The following MSANTD3 variants were observed in gnomAD, a reference collection of about 807,000 sequenced individuals.
MSANTD3 encodes myb/SANT-like DNA-binding domain-containing protein 3.
In MSANTD3, 11 loss-of-function variants were observed where a neutral mutation model predicts 27.7. That is an observed-to-expected ratio of 0.40 (90% CI 0.25 to 0.66). The LOEUF is 0.66. Among genes scored for constraint, MSANTD3 ranks in the 30% least tolerant of loss-of-function variants. The probability of loss-of-function intolerance (pLI) is 0.41; values close to 1 mark genes in which losing one functional copy is unlikely to be tolerated. For synonymous variants in MSANTD3, 131 were observed against 127.2 expected (o/e 1.03, Z -0.20); for missense variants, 250 against 336.5 (o/e 0.74, Z 2.01).
intron 2 of MSANTD3, chr9:100,444,073 T>G (rs1300195291): frequency 6.6e-6 from 1 of 152,154 alleles, no homozygotes; most frequent in African/African-American, 2.4e-5. Flanking sequence ...AAAAGATAAT[T>G]GCCAAGTGAA....
chr9:100,451,205 GTC>G lies in MSANTD3; in HGVS notation c.*243_*244del. On this transcript the variant is annotated 3_prime_UTR_variant, in exon 3 of 3. Coordinates refer to ENST00000395067, the MANE Select transcript of MSANTD3 (RefSeq NM_080655.3). ...TGAGTGCTATAATTCTGAATATAAT[GTC>G]TCTTAATTAGAATTCATACAAGAAC... 2.4e-6 allele frequency: 1 copy of G among 410,138 alleles called. No homozygotes were observed. The highest frequency in any genetic ancestry group is 4.3e-6 in the Non-Finnish European group (1 of 232,848). The allele number at this position is 410,138 out of a possible 1,614,324, so 25.4% of individuals were successfully genotyped here. A position where few individuals can be genotyped will look rare whatever the true frequency, so the allele number is the denominator to read the frequency against.
intron 1 of MSANTD3, among the ~76,000 whole-genome samples, chr9:100,440,664 C>T (rs1164941696): frequency 6.7e-6 from 1 of 149,452 alleles, no homozygotes; most frequent in African/African-American, 2.5e-5. Context: ...AAACATGGCT[C>T]ACTGTAGCCT....
At chr9:100,442,723 A>C (rs1428965324) in intron 2 of MSANTD3, among the ~76,000 whole-genome samples, 3 of 150,732 alleles carry the variant, frequency 2.0e-5, no homozygotes, top group African/African-American at 7.3e-5. Flanking sequence ...GCTGGAGGAT[A>C]ACTTGAGCCC....
At chr9:100,432,014 C>A (rs894010979) in intron 1 of MSANTD3, among the ~76,000 whole-genome samples, 2 of 151,774 alleles carry the variant, frequency 1.3e-5, no homozygotes, top group East Asian at 3.9e-4. Context: ...AGGGGAAGGA[C>A]GGGGTTAGGA....
chr9:100,448,422 T>C (rs1309360178), intron 2 of MSANTD3: 5 of 985,298 alleles, frequency 5.1e-6, no homozygotes, highest in Non-Finnish European at 6.0e-6. Context: ...GAGGTAATGC[T>C]CTTTGCAGTT....
intron 2 of MSANTD3, chr9:100,444,312 A>G (rs1836701139): frequency 2.0e-5 from 3 of 152,134 alleles, no homozygotes; most frequent in South Asian, 2.1e-4. Context: ...CTGAGTTTTG[A>G]TCCCTGAGTT....
intron 2 of MSANTD3, chr9:100,444,413 G>A (rs1354128413): frequency 6.6e-6 from 1 of 152,238 alleles, no homozygotes; most frequent in Non-Finnish European, 1.5e-5. Flanking sequence ...TGTAGTGCAT[G>A]GGCCCCCACA....
intron 2 of MSANTD3, chr9:100,449,224 A>G (rs1233044365): frequency 2.0e-6 from 2 of 985,292 alleles, no homozygotes; most frequent in Non-Finnish European, 2.4e-6. Context: ...ATTGACACTG[A>G]TGTTACTGCT....
chr9:100,448,959 A>G, intron 2 of MSANTD3: 1 of 985,218 alleles, frequency 1.0e-6, no homozygotes, highest in Non-Finnish European at 1.2e-6. Flanking sequence ...AACAGTAGCC[A>G]TTTTCCTTTT....
chr9:100,448,446 G>A (rs887739074), intron 2 of MSANTD3: 1 of 985,372 alleles, frequency 1.0e-6, no homozygotes, highest in South Asian at 4.7e-5. Context: ...ACTCACACCT[G>A]AGGGCCCTGT....
intron 1 of MSANTD3, chr9:100,429,717 T>TTG: frequency 2.1e-5 from 3 of 144,522 alleles, no homozygotes; most frequent in East Asian, 1.9e-4. Flanking sequence ...GTTTTTTTTT[T>TTG]GGGGGGGGAC....
chr9:100,450,095 A>C (rs1304611201), intron 2 of MSANTD3, among the ~76,000 whole-genome samples: 1 of 152,218 alleles, frequency 6.6e-6, no homozygotes, highest in South Asian at 2.1e-4. Flanking sequence ...AGGAAACAGC[A>C]ATAGCACTCT....
chr9:100,430,928 G>C (rs533118762), intron 1 of MSANTD3, among the ~76,000 whole-genome samples: 49 of 152,250 alleles, frequency 3.2e-4, no homozygotes, highest in African/African-American at 1.2e-3. Flanking sequence ...AAATGTGTTT[G>C]ATGCTAAGGA....
chr9:100,427,816 C>T (rs1836279151), intron 1 of MSANTD3, among the ~76,000 whole-genome samples: 1 of 152,184 alleles, frequency 6.6e-6, no homozygotes, highest in Admixed American at 6.5e-5. Context: ...CCCCGCCCGT[C>T]CAGAGTGTAA....
intron 2 of MSANTD3, chr9:100,449,064 A>G: frequency 1.0e-6 from 1 of 985,360 alleles, no homozygotes; most frequent in Non-Finnish European, 1.2e-6. Context: ...TAATAATGTA[A>G]TCAACTATGT....
chr9:100,440,834 A>C (rs1228117601), intron 1 of MSANTD3, among the ~76,000 whole-genome samples: 2 of 110,114 alleles, frequency 1.8e-5, no homozygotes, highest in Non-Finnish European at 3.4e-5. Context: ...CTTGTTGCCC[A>C]TGCTAGTCTC....
At chr9:100,434,809 A>G (rs1298865782) in intron 1 of MSANTD3, among the ~76,000 whole-genome samples, 2 of 152,050 alleles carry the variant, frequency 1.3e-5, no homozygotes, top group African/African-American at 4.8e-5. Context: ...CAGTTTGTGC[A>G]TGTCAGCGCT....
chr9:100,447,728 A>G (rs1429277877), intron 2 of MSANTD3, among the ~76,000 whole-genome samples: 1 of 152,206 alleles, frequency 6.6e-6, no homozygotes, highest in Admixed American at 6.5e-5. Flanking sequence ...GTTTTCTATA[A>G]TAATACCTCC....
intron 1 of MSANTD3, among the ~76,000 whole-genome samples, chr9:100,433,720 G>A (rs1836419003): frequency 1.3e-5 from 2 of 152,106 alleles, no homozygotes; most frequent in African/African-American, 4.8e-5. Context: ...GAGATGTTGA[G>A]TCAGGAGACA....
Sources: gnomAD v4.1 joint callset for allele counts (sites outside exome capture counted in the v4.1 genomes callset) on GRCh38, gnomAD v4.1.1 for gene constraint, MANE v1.5 for transcripts, NCBI Gene and HGNC (gene_info 2026-07-23, HGNC 2026-07-21) for gene names.